The following MEF2A variants were observed in gnomAD, a reference collection of about 807,000 sequenced individuals.
MEF2A encodes myocyte enhancer factor 2A, also known as myocyte-specific enhancer factor 2A.
A neutral mutation model predicts 55.8 loss-of-function variants in MEF2A; 28 were observed. The observed-to-expected ratio is 0.50, with a 90% CI of 0.37 to 0.69. MEF2A has a LOEUF of 0.69. Among genes scored for constraint, MEF2A ranks in the 30% least tolerant of loss-of-function variants. The pLI is 0.00. For missense variants in MEF2A, 528 were observed against 626.2 expected (o/e 0.84, Z 1.67); for synonymous variants, 239 against 227.1 (o/e 1.05, Z -0.47).
chr15:99,675,342 A>G, intron 6 of MEF2A, 57 bp from the exon 7 acceptor site: 1 of 1,429,678 alleles, frequency 7.0e-7, no homozygotes, highest in Non-Finnish European at 9.9e-7. Flanking sequence ...AGTTAGGTAA[A>G]GAGAGCTAAT....
chr15:99,692,617 A>T (rs1004273691), intron 8 of MEF2A, among the ~76,000 whole-genome samples: 1 of 152,200 alleles, frequency 6.6e-6, no homozygotes, highest in Non-Finnish European at 1.5e-5. Context: ...GGGCCGCAGT[A>T]TAACACAGGG....
intron 3 of MEF2A, among the ~76,000 whole-genome samples, chr15:99,644,501 A>G (rs2045605405): frequency 6.6e-6 from 1 of 152,198 alleles, no homozygotes; most frequent in Non-Finnish European, 1.5e-5. Flanking sequence ...ATTGCTTTTC[A>G]TGATACTGGA....
chr15:99,637,468 C>T (rs1366508682), intron 3 of MEF2A, among the ~76,000 whole-genome samples: 1 of 152,094 alleles, frequency 6.6e-6, no homozygotes, highest in African/African-American at 2.4e-5. Flanking sequence ...TGCATATTTG[C>T]TGCTAAGTAT....
chr15:99,688,585 G>A (rs542216183), intron 7 of MEF2A, among the ~76,000 whole-genome samples: 1 of 152,192 alleles, frequency 6.6e-6, no homozygotes, highest in African/African-American at 2.4e-5. Context: ...GTGAAACCCT[G>A]TCTCTGGTAA....
chr15:99,587,015 G>C (rs375994499), intron 1 of MEF2A, among the ~76,000 whole-genome samples: 1 of 151,564 alleles, frequency 6.6e-6, no homozygotes, highest in East Asian at 1.9e-4. Context: ...AGAGCACACT[G>C]TATTAAATAG....
At chr15:99,628,188 A>C (rs1348381204) in intron 2 of MEF2A, among the ~76,000 whole-genome samples, 1 of 152,148 alleles carries the variant, frequency 6.6e-6, no homozygotes, top group Admixed American at 6.5e-5. Context: ...GTATCCTTCT[A>C]TATCTATCCA....
At chr15:99,674,254 A>C in intron 5 of MEF2A, 139 bp from the exon 6 acceptor site, 1 of 670,620 alleles carries the variant, frequency 1.5e-6, no homozygotes, top group Non-Finnish European at 2.5e-6. Context: ...AAATAGCTTT[A>C]ATCTGTAAAT....
chr15:99,650,434 G>A (rs2046670447), intron 4 of MEF2A, among the ~76,000 whole-genome samples: 1 of 152,316 alleles, frequency 6.6e-6, no homozygotes, highest in Middle Eastern at 3.4e-3. Flanking sequence ...GATAATAGCA[G>A]TAAGAATGAT....
At chr15:99,682,637 A>G (rs2053458438) in intron 7 of MEF2A, among the ~76,000 whole-genome samples, 2 of 152,224 alleles carry the variant, frequency 1.3e-5, no homozygotes, top group Admixed American at 1.3e-4. Context: ...AAACACTTAC[A>G]TCATCCTTTA....
intron 1 of MEF2A, among the ~76,000 whole-genome samples, chr15:99,581,899 T>C (rs1005087846): frequency 2.6e-5 from 4 of 151,988 alleles, no homozygotes; most frequent in Non-Finnish European, 4.4e-5. Context: ...ATACACCACA[T>C]AGAACAGTTT....
chr15:99,627,754 T>A (rs1267189681), intron 2 of MEF2A, among the ~76,000 whole-genome samples: 1 of 152,244 alleles, frequency 6.6e-6, no homozygotes, highest in African/African-American at 2.4e-5. Flanking sequence ...CCATGTGTGT[T>A]TGTGCTAAAC....
At chr15:99,711,906 A>G (rs753775861) in intron 11 of MEF2A, among the ~76,000 whole-genome samples, 4 of 152,180 alleles carry the variant, frequency 2.6e-5, no homozygotes, top group African/African-American at 9.6e-5. Context: ...GTCCTCCTCT[A>G]CTGCTCTCAG....
In MEF2A at chr15:99,698,714, C is replaced by T. The variant is rs538370547; in HGVS notation, c.859-4648C>T. ...GGCTGAGGCAGGAGAATCGCTTGAA[C>T]CCAGGAGGCAAAGGTTGCAGTGAGC... On this transcript the variant is annotated intron_variant, in intron 8 of 11. Transcript: ENST00000557942. Among the ~76,000 whole-genome samples the T allele has an allele frequency of 1.6e-4, 25 of 152,114 alleles. 1 individual carries two copies. The highest frequency in any genetic ancestry group is 6.0e-4 in the African/African-American group (25 of 41,494).
chr15:99,583,716 T>C (rs1966576579), intron 1 of MEF2A, among the ~76,000 whole-genome samples: 1 of 152,144 alleles, frequency 6.6e-6, no homozygotes, highest in African/African-American at 2.4e-5. Context: ...TATTAATAAA[T>C]ATTAGCCTTA....
At chr15:99,628,757 G>A (rs1025099954) in intron 2 of MEF2A, among the ~76,000 whole-genome samples, 4 of 152,110 alleles carry the variant, frequency 2.6e-5, no homozygotes, top group African/African-American at 4.8e-5. Context: ...AAGTATTATT[G>A]TTTAGTCAGT....
At chr15:99,641,194 C>T (rs565870836) in intron 3 of MEF2A, among the ~76,000 whole-genome samples, 9 of 152,264 alleles carry the variant, frequency 5.9e-5, no homozygotes, top group Non-Finnish European at 7.4e-5. Context: ...ATCCACCAAA[C>T]GTGGAGGTTC....
In MEF2A at chr15:99,602,650, TGG is replaced by T. The variant is rs201036705; in HGVS notation, c.-143+4142_-143+4143del. On this transcript the variant is annotated intron_variant, in intron 2 of 11. Coordinates refer to ENST00000557942, the MANE Select transcript of MEF2A (RefSeq NM_001319206.4). ...TCACCTGGTGGTTGCCTGACATTCCTGGGGTGTGTGTGTGTGTGTGTGTGTGT... is the reference window on the plus strand; with the variant it reads ...TCACCTGGTGGTTGCCTGACATTCCTGGTGTGTGTGTGTGTGTGTGTGTGT... Among the ~76,000 whole-genome samples, 264 of 103,400 alleles carry T rather than the reference TGG, an allele frequency of 2.6e-3. 2 individuals carry two copies. Among genetic ancestry groups the T allele is most frequent in the African/African-American group, 7.5e-3 (214 of 28,552 alleles). 67.8% of individuals were successfully genotyped at this position (103,400 alleles called of 152,430 possible).
intron 1 of MEF2A, among the ~76,000 whole-genome samples, chr15:99,572,441 A>G (rs950269985): frequency 6.6e-6 from 1 of 152,184 alleles, no homozygotes; most frequent in Non-Finnish European, 1.5e-5. Flanking sequence ...TTCCTTCAAG[A>G]CAATTGTAAT....
intron 2 of MEF2A, among the ~76,000 whole-genome samples, chr15:99,603,491 G>C (rs544076130): frequency 1.1e-4 from 16 of 149,764 alleles, no homozygotes; most frequent in Admixed American, 9.3e-4. Flanking sequence ...TGTGACCTCA[G>C]CCTCCTGATT....
Sources: gnomAD v4.1 joint callset for allele counts (sites outside exome capture counted in the v4.1 genomes callset) on GRCh38, gnomAD v4.1.1 for gene constraint, MANE v1.5 for transcripts, NCBI Gene and HGNC (gene_info 2026-07-23, HGNC 2026-07-21) for gene names.